The following ZC3H7B variants were observed in gnomAD, a reference collection of about 807,000 sequenced individuals.
The protein encoded by ZC3H7B is zinc finger CCCH-type containing 7B.
In ZC3H7B, 35 loss-of-function variants were observed where a neutral mutation model predicts 116.0. The ratio of observed to expected loss-of-function variants is 0.30; its 90% confidence interval spans 0.23 to 0.40. ZC3H7B has a LOEUF of 0.40. Ranked by LOEUF, ZC3H7B falls within the 10% of genes least tolerant of loss-of-function variation. The pLI, the probability that ZC3H7B is intolerant of heterozygous loss-of-function variation, is 1.00. For synonymous variants in ZC3H7B, 502 were observed against 545.6 expected (o/e 0.92, Z 1.11); for missense variants, 1,011 against 1,321.5 (o/e 0.77, Z 3.64).
intron 1 of ZC3H7B, among the ~76,000 whole-genome samples, chr22:41,314,529 G>A (rs1480338366): frequency 6.6e-6 from 1 of 151,930 alleles, no homozygotes; most frequent in African/African-American, 2.4e-5. Flanking sequence ...ATCAAGTGAT[G>A]CTCCCACTTC....
chr22:41,341,267 C>G, intron 11 of ZC3H7B, 121 bp downstream of exon 11: 4 of 1,197,164 alleles, frequency 3.3e-6, no homozygotes, highest in Non-Finnish European at 4.8e-6. Context: ...CGGGGCACTC[C>G]CAGAGTGGAT....
At position 41,357,693 on chromosome 22, in the gene ZC3H7B, G is replaced by C; in HGVS notation, c.*264G>C. 1.8e-6 allele frequency: 1 copy of C among 542,956 alleles called. No individual in the cohort carries two copies. The highest frequency in any genetic ancestry group is 3.1e-5 in the East Asian group (1 of 32,376). The allele number at this position is 542,956 out of a possible 1,614,324, so 33.6% of individuals were successfully genotyped here. A position where few individuals can be genotyped will look rare whatever the true frequency, so the allele number is the denominator to read the frequency against. On this transcript the variant is annotated 3_prime_UTR_variant, in exon 23 of 23. Coordinates refer to ENST00000352645, the MANE Select transcript of ZC3H7B (RefSeq NM_017590.6). This position sits in a 1 kb window ranked among gnomAD's most constrained non-coding sequence, Gnocchi z 5.4. ...ACGGCTCTCCTGGTTGAGGAGGGAG[G>C]GGCCTGGCTGACCCCTCCAGCTTCA...
intron 6 of ZC3H7B, 72 bp downstream of exon 6, chr22:41,330,175 TGGGGAAG>T: frequency 6.5e-7 from 1 of 1,528,682 alleles, no homozygotes; most frequent in East Asian, 2.3e-5. Flanking sequence ...CCAGGCTCCG[TGGGGAAG>T]GTGGGTGAGG....
Position 41,320,657 on chromosome 22 carries a change from A to G in ZC3H7B, c.-4A>G, listed in dbSNP as rs766425508. On this transcript the variant is annotated splice_region_variant and 5_prime_UTR_variant, in exon 2 of 23. Transcript: ENST00000352645. Reference sequence around the variant, plus strand: ...ATGGACTGTGCTCTCTTCCCCAGAGACTGATGGAGAGGCAGAAACGGAAGG... The same window carrying G: ...ATGGACTGTGCTCTCTTCCCCAGAGGCTGATGGAGAGGCAGAAACGGAAGG... The G allele has an allele frequency of 9.9e-6, 16 of 1,613,388 alleles. No individual in the cohort carries two copies. In the South Asian group the frequency reaches 1.8e-4, roughly 18 times the overall value.
At chr22:41,319,515 G>T (rs2036227635) in intron 1 of ZC3H7B, among the ~76,000 whole-genome samples, 1 of 148,926 alleles carries the variant, frequency 6.7e-6, no homozygotes, top group Admixed American at 6.7e-5. Flanking sequence ...GGTTGGAGTG[G>T]GCTGAGATCA....
intron 1 of ZC3H7B, among the ~76,000 whole-genome samples, chr22:41,315,617 T>A (rs2036172955): frequency 6.6e-6 from 1 of 151,966 alleles, no homozygotes; most frequent in African/African-American, 2.4e-5. Flanking sequence ...AGACTGGGAG[T>A]CCTAGTCAGT....
chr22:41,332,136 T>C, intron 6 of ZC3H7B, 35 bp from the exon 7 acceptor site: 1 of 1,612,986 alleles, frequency 6.2e-7, no homozygotes, highest in Non-Finnish European at 8.5e-7. Flanking sequence ...TTTCAGAATC[T>C]TTACCTCTGC....
intron 1 of ZC3H7B, among the ~76,000 whole-genome samples, chr22:41,318,592 T>G (rs2036213685): frequency 6.7e-6 from 1 of 149,788 alleles, no homozygotes; most frequent in Non-Finnish European, 1.5e-5. Context: ...TACAAAAAAT[T>G]TTAAAGGTTA....
Position 41,351,437 on chromosome 22 carries a change from GGCTGGGCTGAGAATAGGGCTCCTCCA to G in ZC3H7B, c.1949-116_1949-91del. The G allele has an allele frequency of 1.3e-6, 1 of 761,140 alleles. No homozygotes were observed. Among genetic ancestry groups the G allele is most frequent in the Non-Finnish European group, 2.1e-6 (1 of 470,200 alleles). 47.1% of individuals were successfully genotyped at this position (761,140 alleles called of 1,614,324 possible). ...TCCCTTGTACCCCATGTCTTACTGT[GGCTGGGCTGAGAATAGGGCTCCTCCA>G]GCTGGGCCTCGGGGGTCCCTGGCAC... On this transcript the variant is annotated intron_variant, in intron 16 of 22. Transcript: ENST00000352645. This position sits in a 1 kb window ranked among gnomAD's most constrained non-coding sequence, Gnocchi z 5.1.
Position 41,358,876 on chromosome 22 carries a change from C to A in ZC3H7B, c.*1447C>A, listed in dbSNP as rs1601802072. On this transcript the variant is annotated 3_prime_UTR_variant, in exon 23 of 23. Transcript: ENST00000352645. ...CCACATCATTGGCACAGGAGTGGGG[C>A]AGCCCCGGAAGGAACCAGGGATTAG... 6.5e-6 allele frequency: 1 copy of A among 154,710 alleles called. No homozygotes were observed. The highest frequency in any genetic ancestry group is 2.0e-4 in the South Asian group (1 of 4,922). The allele number at this position is 154,710 out of a possible 1,614,324, so 9.6% of individuals were successfully genotyped here.
chr22:41,323,466 G>A (rs898967051), intron 2 of ZC3H7B, among the ~76,000 whole-genome samples: 7 of 152,200 alleles, frequency 4.6e-5, no homozygotes, highest in African/African-American at 9.7e-5. Context: ...TTTCCCCTAC[G>A]GGGTCATTGT....
intron 7 of ZC3H7B, chr22:41,332,491 G>A (rs892957422): frequency 5.2e-5 from 23 of 444,154 alleles, no homozygotes; most frequent in Non-Finnish European, 6.9e-5. Context: ...GGTCCCACAC[G>A]CCTTCCTTCT....
Position 41,357,631 on chromosome 22 carries a change from G to GC in ZC3H7B, c.*206dup. 1 of 752,302 alleles carries GC rather than the reference G, an allele frequency of 1.3e-6. No homozygotes were observed. The highest frequency in any genetic ancestry group is 2.1e-6 in the Non-Finnish European group (1 of 479,672). 46.6% of individuals were successfully genotyped at this position (752,302 alleles called of 1,614,324 possible). ...GGCGCACGTGCTGCAGCCCCCGGAG[G>GC]CCCCGCTGAAACCTGGGCTGCCCTT... On this transcript the variant is annotated 3_prime_UTR_variant, in exon 23 of 23. Coordinates refer to ENST00000352645, the MANE Select transcript of ZC3H7B (RefSeq NM_017590.6). This position sits in a 1 kb window ranked among gnomAD's most constrained non-coding sequence, Gnocchi z 5.4.
Position 41,355,592 on chromosome 22 carries a change from G to A in ZC3H7B, c.2158G>A (p.Ala720Thr), listed in dbSNP as rs750481563. ...DKDLKYCSAK[A>T]RHCWTKERRV... ...GGACCTCAAGTACTGTAGTGCCAAG[G>A]CCCGGCACTGGTGAGTGGGATGCCA... The change falls in exon 18 of 23, where the codon GCC (alanine) becomes ACC (threonine). Residue 720 changes from alanine to threonine, a missense_variant. Physicochemically the swap from Ala to Thr is moderately conservative, Grantham distance 58 (BLOSUM62 0). Transcript: ENST00000352645. 1 of 1,614,046 alleles carries A rather than the reference G, an allele frequency of 6.2e-7. No individual in the cohort carries two copies.
chr22:41,337,148 A>C (rs142343307), intron 7 of ZC3H7B, among the ~76,000 whole-genome samples: 1 of 151,864 alleles, frequency 6.6e-6, no homozygotes, highest in East Asian at 1.9e-4. Context: ...AAAAAGAATA[A>C]ATAAAAATAC....
rs1438003656 is a variant in ZC3H7B at position 41,342,554 on chromosome 22, C to T, written c.1223C>T (p.Ala408Val). ...CCAGAGCCCTGCATGCCCAACACTG[C>T]CTTGCTCATCAAGAACCCCTTGGCT... is the stretch of plus-strand genomic sequence containing the variant. ...PSPEPCMPNT[A>V]LLIKNPLAAT... The change falls in exon 12 of 23, where the codon GCC (alanine) becomes GTC (valine). Residue 408 changes from alanine to valine, a missense_variant. Around this residue, in one of 5 missense-constraint regions of ZC3H7B, gnomAD observed 5 missense variants for 19.3 expected, o/e 0.26. Transcript: ENST00000352645. 6.2e-7 allele frequency: 1 copy of T among 1,613,306 alleles called. No homozygotes were observed. The highest frequency in any genetic ancestry group is 8.5e-7 in the Non-Finnish European group (1 of 1,179,940).
At chr22:41,335,683 C>G (rs2036436222) in intron 7 of ZC3H7B, 1 of 152,414 alleles carries the variant, frequency 6.6e-6, no homozygotes, top group African/African-American at 2.4e-5. Context: ...GACTGAAGTG[C>G]ACACATTTGC....
chr22:41,305,694 A>G (rs1023570838), intron 1 of ZC3H7B, among the ~76,000 whole-genome samples: 3 of 152,158 alleles, frequency 2.0e-5, no homozygotes, highest in Non-Finnish European at 2.9e-5. Flanking sequence ...ATGGCAGTAG[A>G]AGGAGGACCG....
At chr22:41,347,856 G>A (rs931234961) in intron 14 of ZC3H7B, among the ~76,000 whole-genome samples, 1 of 152,094 alleles carries the variant, frequency 6.6e-6, no homozygotes, top group Admixed American at 6.5e-5. Flanking sequence ...GGAGGGAGGA[G>A]GGTGAGGAAG....
Sources: allele counts gnomAD v4.1 joint callset (sites outside exome capture counted in the v4.1 genomes callset), GRCh38; gene constraint gnomAD v4.1.1; regional missense constraint gnomAD v4.1.1; non-coding constraint Gnocchi (gnomAD v3.1); transcripts MANE v1.5; gene names NCBI Gene and HGNC (gene_info 2026-07-23, HGNC 2026-07-21).